SPG21: variants seen among roughly 807,000 people sequenced by gnomAD.
SPG21 encodes the protein maspardin.
SPG21 carries 26 observed loss-of-function variants against 38.9 expected under a neutral mutation model. The ratio of observed to expected loss-of-function variants is 0.67; its 90% CI spans 0.49 to 0.93. The LOEUF (loss-of-function observed/expected upper bound fraction) is 0.93, where lower values mean the gene tolerates loss of function less well. Among genes scored for constraint, SPG21 ranks in the 40% least tolerant of loss-of-function variants. SPG21 has a pLI of 0.00. For synonymous variants in SPG21, 136 were observed against 128.9 expected (o/e 1.05, Z -0.37); for missense variants, 333 against 376.5 (o/e 0.88, Z 0.96).
intron 5 of SPG21, among the ~76,000 whole-genome samples, chr15:64,972,879 AT>A (rs66725437): frequency 0.34 from 52,246 of 152,128 alleles, 10,148 homozygotes; most frequent in South Asian, 0.5. Flanking sequence ...AAACTAAAAA[AT>A]ATCAGAGTGC....
Position 64,963,100 on chromosome 15 carries a change from T to C in SPG21, c.*520A>G, listed in dbSNP as rs1165058085. On this transcript the variant is annotated 3_prime_UTR_variant, in exon 9 of 9. Transcript: ENST00000204566. The stretch of plus-strand genomic sequence containing the variant: ...TAACACTCAAAACAATTTGTTTAAG[T>C]GTAAATTAAAAGCAGTTGATTTGCA... 1 of 153,484 alleles carries C rather than the reference T, an allele frequency of 6.5e-6. No individual in the cohort carries two copies. The highest frequency in any genetic ancestry group is 1.5e-5 in the Non-Finnish European group (1 of 68,716). The allele number at this position is 153,484 out of a possible 1,614,324, so 9.5% of individuals were successfully genotyped here.
At chr15:64,967,686 T>A (rs2085570298) in intron 7 of SPG21, among the ~76,000 whole-genome samples, 1 of 152,150 alleles carries the variant, frequency 6.6e-6, no homozygotes, top group Non-Finnish European at 1.5e-5. Context: ...TTGGCCAGGA[T>A]GGTCTCGATC....
rs774500022 is a variant in SPG21, at chr15:64,980,845, T to C, written c.225+19A>G. 1.7e-5 allele frequency: 27 copies of C among 1,612,500 alleles called. No homozygotes were observed. The highest frequency in any genetic ancestry group is 2.3e-5 in the Non-Finnish European group (27 of 1,179,646). On this transcript the variant is annotated intron_variant, in intron 3 of 8. Coordinates refer to ENST00000204566, the MANE Select transcript of SPG21 (RefSeq NM_016630.7). ...AAACACACAAAACGTGGGTCTGAATTTTAATCAGTAATACTTACAGCGATA... is the reference window on the plus strand; with the variant it reads ...AAACACACAAAACGTGGGTCTGAATCTTAATCAGTAATACTTACAGCGATA...
chr15:64,979,786 G>C (rs189001828), intron 3 of SPG21, among the ~76,000 whole-genome samples: 1 of 146,138 alleles, frequency 6.8e-6, no homozygotes, highest in Admixed American at 7.0e-5. Context: ...GCCAGCTAAA[G>C]AGACTCTCTC....
In SPG21 at chr15:64,969,687, G is replaced by GTTT. The variant is rs74643667; in HGVS notation, c.562-328_562-326dup. On this transcript the variant is annotated intron_variant, in intron 6 of 8. Transcript: ENST00000204566. ...TCAAAGGTGACAGATATATGTTTTTGTTTTTTTTTTTTTTTTAAGATAAAC... is the reference window on the plus strand; with the variant it reads ...TCAAAGGTGACAGATATATGTTTTTGTTTTTTTTTTTTTTTTTTTAAGATAAAC... Among the ~76,000 whole-genome samples, 968 of 126,546 alleles carry GTTT rather than the reference G, an allele frequency of 7.6e-3. 4 individuals are homozygous for GTTT. Among genetic ancestry groups the GTTT allele is most frequent in the African/African-American group, 0.024 (913 of 38,146 alleles). 83.0% of individuals were successfully genotyped at this position (126,546 alleles called of 152,430 possible).
chr15:64,971,256 G>A (rs1217339654), intron 5 of SPG21, among the ~76,000 whole-genome samples: 4 of 152,002 alleles, frequency 2.6e-5, no homozygotes, highest in African/African-American at 4.8e-5. Flanking sequence ...TGGGGGAGCC[G>A]GGGCCAGGCA....
Position 64,970,187 on chromosome 15 carries a change from AT to A in SPG21, c.487del (p.Ile163Ter), listed in dbSNP as rs970163893. 13 of 1,613,986 alleles carry A rather than the reference AT, an allele frequency of 8.1e-6. No homozygotes were observed. Among genetic ancestry groups the A allele is most frequent in the Non-Finnish European group, 1.1e-5 (13 of 1,180,030 alleles). ...WLMPAFMLKK[I>X]VLGNFSSGPV... ...GCCAGATGAAAAATTTCCAAGAACT[AT>A]TTTTTTGAGCATAAATGCAGGCATC... On this transcript the variant is annotated frameshift_variant, in exon 6 of 9. Coordinates refer to ENST00000204566, the MANE Select transcript of SPG21 (RefSeq NM_016630.7). LOFTEE classifies it high-confidence loss of function.
chr15:64,969,500 A>G, intron 6 of SPG21, 138 bp from the exon 7 acceptor site: 1 of 685,524 alleles, frequency 1.5e-6, no homozygotes, highest in East Asian at 2.7e-5. Flanking sequence ...GAGGAACCAC[A>G]ACTTAGGTGA....
chr15:64,967,761 G>A (rs531390521), intron 7 of SPG21, among the ~76,000 whole-genome samples: 131 of 152,098 alleles, frequency 8.6e-4, no homozygotes, highest in Non-Finnish European at 1.4e-3. Context: ...GTGAGCCACC[G>A]CGCCCGGCCT....
intron 8 of SPG21, 64 bp downstream of exon 8, chr15:64,965,253 AAAG>A (rs1384572645): frequency 6.2e-7 from 1 of 1,604,908 alleles, no homozygotes; most frequent in Non-Finnish European, 8.5e-7. Flanking sequence ...TAGTCCATTA[AAAG>A]AAGTCTTTAT....
chr15:64,973,500 G>A (rs2085712737), intron 5 of SPG21, among the ~76,000 whole-genome samples: 1 of 151,892 alleles, frequency 6.6e-6, no homozygotes, highest in Non-Finnish European at 1.5e-5. Context: ...TGCCTAGGCT[G>A]GAGTGCAATG....
rs1429447593 is a variant in SPG21, at chr15:64,980,962, T to G, written c.127A>C (p.Arg43=). 3 of 1,614,064 alleles carry G rather than the reference T, an allele frequency of 1.9e-6. No homozygotes were observed. Among genetic ancestry groups the G allele is most frequent in the Non-Finnish European group, 2.5e-6 (3 of 1,180,040 alleles). ...GGGGGCAGGAATATGAGAGGACACC[T>G]GATACTTCGGGGGCCCGCGTCATAG... ...SLYDAGPRSI[R]CPLIFLPPVS... is the part of the protein sequence containing the mutation. The change falls in exon 3 of 9, where the codon AGG becomes CGG. Residue 43 remains arginine, a synonymous_variant. Transcript: ENST00000204566.
At position 64,986,922 on chromosome 15, in the gene SPG21, T is replaced by A. The variant is rs77966460; in HGVS notation, c.-25+2743A>T. On this transcript the variant is annotated intron_variant, in intron 1 of 8. Coordinates refer to ENST00000204566, the MANE Select transcript of SPG21 (RefSeq NM_016630.7). ...TATTGCATTATTAGAAACAATCTAT[T>A]CTAAAGGAGGGAAAATAAAAACATG... Among the ~76,000 whole-genome samples the A allele has an allele frequency of 9.2e-3, 1,407 of 152,268 alleles. 24 individuals are homozygous for A. Among genetic ancestry groups the A allele is most frequent in the African/African-American group, 0.031 (1,281 of 41,544 alleles).
In SPG21 at chr15:64,976,565, T is replaced by C. The variant is rs763141890; in HGVS notation, c.226-10A>G. The C allele has an allele frequency of 8.8e-6, 14 of 1,594,042 alleles. No homozygotes were observed. The South Asian group carries it at 1.5e-4, about 17-fold the overall frequency. On this transcript the variant is annotated splice_polypyrimidine_tract_variant and intron_variant, in intron 3 of 8. Coordinates refer to ENST00000204566, the MANE Select transcript of SPG21 (RefSeq NM_016630.7). ...AAACTGGATACTGCAACTGAAATAA[T>C]AACGATAATTTTATTTTTAAAAATC...
In SPG21 at chr15:64,983,550, G is replaced by T. The variant is rs764509115; in HGVS notation, c.20C>A (p.Ser7Tyr). 1 of 1,578,134 alleles carries T rather than the reference G, an allele frequency of 6.3e-7. No homozygotes were observed. Among genetic ancestry groups the T allele is most frequent in the East Asian group, 2.3e-5 (1 of 44,376 alleles). Reference sequence around the variant, plus strand: ...ACCTCTAAACCAGTTATAATCAGGAGAGACTTTAATCTCTCCCATGATTAG... The same window carrying T: ...ACCTCTAAACCAGTTATAATCAGGATAGACTTTAATCTCTCCCATGATTAG... MGEIKVSPDYNWFRGTV... is the reference protein window; with the variant it reads MGEIKVYPDYNWFRGTV... The change falls in exon 2 of 9, where the codon TCT becomes TAT. Residue 7 changes from serine to tyrosine, a missense_variant. Coordinates refer to ENST00000204566, the MANE Select transcript of SPG21 (RefSeq NM_016630.7).
intron 3 of SPG21, among the ~76,000 whole-genome samples, chr15:64,979,084 G>A (rs1292653767): frequency 6.6e-6 from 1 of 152,184 alleles, no homozygotes; most frequent in African/African-American, 2.4e-5. Context: ...TGAACATTCT[G>A]ATCACATCTT....
At chr15:64,974,465 A>C (rs2085735910) in intron 5 of SPG21, 137 bp downstream of exon 5, 2 of 993,008 alleles carry the variant, frequency 2.0e-6, no homozygotes, top group Admixed American at 2.3e-5. Context: ...ACAGAGCAAG[A>C]CTCTGTCTCA....
chr15:64,983,582 T>A lies in SPG21; in HGVS notation c.-13A>T, dbSNP rs1345462948. On this transcript the variant is annotated 5_prime_UTR_variant, in exon 2 of 9. Transcript: ENST00000204566. Reference sequence around the variant, plus strand: ...TAATCTCTCCCATGATTAGCTGAAATGGAGGTTAATCCTGAAATAAAAGCA... The same window carrying A: ...TAATCTCTCCCATGATTAGCTGAAAAGGAGGTTAATCCTGAAATAAAAGCA... 6.4e-7 allele frequency: 1 copy of A among 1,557,460 alleles called. No individual in the cohort carries two copies.
At chr15:64,973,155 G>A (rs1209747542) in intron 5 of SPG21, among the ~76,000 whole-genome samples, 1 of 152,028 alleles carries the variant, frequency 6.6e-6, no homozygotes, top group African/African-American at 2.4e-5. Flanking sequence ...TATTTGTAGA[G>A]ATGGGGTCTC....
Sources: allele counts gnomAD v4.1 joint callset (sites outside exome capture counted in the v4.1 genomes callset), GRCh38; gene constraint gnomAD v4.1.1; transcripts MANE v1.5; gene names NCBI Gene and HGNC (gene_info 2026-07-23, HGNC 2026-07-21).